The following SLC35F2 variants were observed in gnomAD, a reference collection of about 807,000 sequenced individuals.
SLC35F2 encodes the protein queuine/queuosine transporter SLC35F2.
Under a neutral mutation model 38.1 loss-of-function variants are expected in SLC35F2, and 25 were observed. The observed-to-expected ratio is 0.66, with a 90% CI of 0.48 to 0.92. The LOEUF (loss-of-function observed/expected upper bound fraction) is 0.92, where lower values mean the gene tolerates loss of function less well. Among genes scored for constraint, SLC35F2 ranks in the 40% least tolerant of loss-of-function variants. The probability of loss-of-function intolerance (pLI) is 0.00; values close to 1 mark genes in which losing one functional copy is unlikely to be tolerated. For missense variants in SLC35F2, 409 were observed against 452.9 expected, an observed-to-expected ratio of 0.90 and a Z score of 0.88; for synonymous variants, 173 against 181.7, an observed-to-expected ratio of 0.95 and a Z score of 0.38.
intron 1 of SLC35F2, chr11:107,858,409 C>T: frequency 2.8e-6 from 1 of 355,322 alleles, no homozygotes; most frequent in Non-Finnish European, 5.0e-6. Context: ...GGTTTCCCCC[C>T]AAATCCTCCA....
At chr11:107,835,860 TGTG>T (rs1323931431) in intron 1 of SLC35F2, among the ~76,000 whole-genome samples, 2 of 152,094 alleles carry the variant, frequency 1.3e-5, no homozygotes, top group African/African-American at 4.8e-5. Flanking sequence ...CAATTCCAAA[TGTG>T]GTGAGGGTGA....
rs533184703 is a variant in SLC35F2 at position 107,796,657 on chromosome 11, AG to A, written c.940-3858del. On this transcript the variant is annotated intron_variant, in intron 7 of 7. Coordinates refer to ENST00000525815, the MANE Select transcript of SLC35F2 (RefSeq NM_017515.5). ...TGGATTGGGGGTGGGAGATAAAGAG[AG>A]GTTAGGTTTTTGTAGTGGTGGTTGT... 2.0e-4 allele frequency among the ~76,000 whole-genome samples: 30 copies of A among 151,708 alleles called. 1 individual carries two copies. In the East Asian group the frequency reaches 5.6e-3, roughly 28 times the overall value.
chr11:107,829,814 T>G (rs1034086649), intron 1 of SLC35F2, among the ~76,000 whole-genome samples: 5 of 152,100 alleles, frequency 3.3e-5, no homozygotes, highest in Non-Finnish European at 5.9e-5. Context: ...GAACTAAAAT[T>G]TAACAATCCC....
At chr11:107,839,290 G>A (rs530747270) in intron 1 of SLC35F2, among the ~76,000 whole-genome samples, 12 of 152,074 alleles carry the variant, frequency 7.9e-5, no homozygotes, top group African/African-American at 2.7e-4. Context: ...GTGAAACCCC[G>A]TCTCTACTAA....
chr11:107,841,220 T>C (rs1373268319), intron 1 of SLC35F2, among the ~76,000 whole-genome samples: 1 of 151,840 alleles, frequency 6.6e-6, no homozygotes, highest in Non-Finnish European at 1.5e-5. Flanking sequence ...AACAGGAAAA[T>C]AATATGGAAA....
intron 1 of SLC35F2, among the ~76,000 whole-genome samples, chr11:107,830,489 C>T (rs182373142): frequency 1.0e-4 from 15 of 147,894 alleles, no homozygotes. Flanking sequence ...GAGGCTGAGG[C>T]AGGAGAATGG....
At chr11:107,826,907 A>G (rs12293650) in intron 1 of SLC35F2, among the ~76,000 whole-genome samples, 8,766 of 152,186 alleles carry the variant, frequency 0.058, 520 homozygotes, top group African/African-American at 0.15. Context: ...AGTATTTACA[A>G]ATACTGTGGA....
At chr11:107,816,133 A>C in intron 1 of SLC35F2, 168 bp from the exon 2 acceptor site, 1 of 985,174 alleles carries the variant, frequency 1.0e-6, no homozygotes, top group Non-Finnish European at 1.2e-6. Context: ...TTAGTTACTG[A>C]AGGACTACAT....
intron 2 of SLC35F2, 108 bp from the exon 3 acceptor site, chr11:107,811,902 T>C (rs960370423): frequency 2.7e-5 from 29 of 1,069,640 alleles, no homozygotes; most frequent in Non-Finnish European, 3.7e-5. Flanking sequence ...TTTTTTCTTT[T>C]TTCTTCTTCT....
intron 5 of SLC35F2, chr11:107,805,135 AAC>A: frequency 1.0e-6 from 1 of 985,466 alleles, no homozygotes; most frequent in Non-Finnish European, 1.2e-6. Context: ...AATCCTAAGC[AAC>A]ACACATGTTT....
chr11:107,807,723 G>A (rs575993), intron 3 of SLC35F2, among the ~76,000 whole-genome samples: 71,278 of 151,740 alleles, frequency 0.47, 17,235 homozygotes, highest in Non-Finnish European at 0.53. Context: ...ACAGCCATCT[G>A]CCACCATGCC....
At chr11:107,802,973 C>A (rs1859335584) in intron 7 of SLC35F2, 28 bp downstream of exon 7, 2 of 1,570,598 alleles carry the variant, frequency 1.3e-6, no homozygotes, top group African/African-American at 1.4e-5. Context: ...AGCAAGTATT[C>A]TTATTTGAAC....
chr11:107,836,619 A>C (rs1192790639), intron 1 of SLC35F2, among the ~76,000 whole-genome samples: 1 of 152,226 alleles, frequency 6.6e-6, no homozygotes, highest in African/African-American at 2.4e-5. Flanking sequence ...TGAAGTCACA[A>C]GCCAAGGAAG....
chr11:107,809,329 C>CAAAAAAAAAAAAAAAA (rs61511493), intron 3 of SLC35F2, among the ~76,000 whole-genome samples: 5 of 96,120 alleles, frequency 5.2e-5, no homozygotes, highest in Non-Finnish European at 6.7e-5. Context: ...ACTCAAAATA[C>CAAAAAAAAAAAAAAAA]AAAAAAAAAA....
In SLC35F2 at chr11:107,792,701, C is replaced by A. The variant is rs201723525; in HGVS notation, c.1039G>T (p.Val347Leu). 1.9e-6 allele frequency: 3 copies of A among 1,613,918 alleles called. No individual in the cohort carries two copies. The highest frequency in any genetic ancestry group is 1.1e-5 in the South Asian group (1 of 91,020). ...TRTAEPAESS[V>L]PPVTSIGIDN... ...ATCCCAATGCTGGTGACTGGAGGCACGCTGCTTTCAGCCGGCTCGGCCGTG... is the reference window on the plus strand; with the variant it reads ...ATCCCAATGCTGGTGACTGGAGGCAAGCTGCTTTCAGCCGGCTCGGCCGTG... Residue 347 changes from valine (V) to leucine (L), a missense_variant, in exon 8 of 8, where the codon GTG becomes TTG. By Grantham distance (32) the Val-to-Leu change is conservative. Transcript: ENST00000525815.
intron 7 of SLC35F2, among the ~76,000 whole-genome samples, chr11:107,801,093 G>T (rs914106590): frequency 6.6e-6 from 1 of 151,864 alleles, no homozygotes; most frequent in East Asian, 1.9e-4. Context: ...TTAGTGGAGA[G>T]GGGGGTTTCC....
At chr11:107,816,635 T>C (rs976154602) in intron 1 of SLC35F2, among the ~76,000 whole-genome samples, 1 of 152,034 alleles carries the variant, frequency 6.6e-6, no homozygotes, top group African/African-American at 2.4e-5. Context: ...ACAAGTTGAC[T>C]GAGACAGAAG....
chr11:107,803,992 ATTT>A (rs71047624), intron 6 of SLC35F2, among the ~76,000 whole-genome samples: 6 of 135,792 alleles, frequency 4.4e-5, no homozygotes, highest in Admixed American at 7.4e-5. Context: ...TGCCCGGATA[ATTT>A]TTTTTTTTTT....
At chr11:107,858,393 AG>A (rs1441713375) in intron 1 of SLC35F2, 1 of 317,632 alleles carries the variant, frequency 3.1e-6, no homozygotes, top group Non-Finnish European at 5.7e-6. Context: ...ATAGTGCCAC[AG>A]GGTGGGTTTC....
Sources: gnomAD v4.1 joint callset for allele counts (sites outside exome capture counted in the v4.1 genomes callset) on GRCh38, gnomAD v4.1.1 for gene constraint, MANE v1.5 for transcripts, NCBI Gene and HGNC (gene_info 2026-07-23, HGNC 2026-07-21) for gene names.